The following ERBB2 variants were observed in gnomAD, a reference collection of about 807,000 sequenced individuals.
The protein encoded by ERBB2 is receptor tyrosine-protein kinase erbB-2.
Under a neutral mutation model 149.0 loss-of-function variants are expected in ERBB2, and 61 were observed. That is an observed-to-expected ratio of 0.41 (90% CI 0.33 to 0.51). The LOEUF is 0.51. Ranked by LOEUF, ERBB2 falls within the 20% of genes least tolerant of loss-of-function variation. The pLI is 0.25. For synonymous variants in ERBB2, 633 were observed against 678.8 expected (o/e 0.93, Z 1.05); for missense variants, 1,205 against 1,655.1 (o/e 0.73, Z 4.72).
rs764386534 is a variant in ERBB2, at chr17:39,727,581, G to A, written c.3412+34G>A. 6.3e-7 allele frequency: 1 copy of A among 1,583,002 alleles called. No individual in the cohort carries two copies. Among genetic ancestry groups the A allele is most frequent in the South Asian group, 1.2e-5 (1 of 85,892 alleles). ...TCCAGTCTAAGCAGAGAGACTGATGGGCAGGGGAGGTGGGACCTTCAGCCC... is the reference window on the plus strand; with the variant it reads ...TCCAGTCTAAGCAGAGAGACTGATGAGCAGGGGAGGTGGGACCTTCAGCCC... On this transcript the variant is annotated intron_variant, in intron 26 of 26. Coordinates refer to ENST00000269571, the MANE Select transcript of ERBB2 (RefSeq NM_004448.4). This position sits in a 1 kb window ranked among gnomAD's most constrained non-coding sequence, Gnocchi z 4.3.
rs1324377434 is a variant in ERBB2, at chr17:39,725,584, G to A, written c.2726-123G>A. ...ATTAGGGAAAGACCGGGTAGGGTCT[G>A]TCTCCTGGCATCACATCTCCCCCTG... On this transcript the variant is annotated intron_variant, in intron 22 of 26. Coordinates refer to ENST00000269571, the MANE Select transcript of ERBB2 (RefSeq NM_004448.4). This position sits in a 1 kb window ranked among gnomAD's most constrained non-coding sequence, Gnocchi z 4.6. 1 of 1,263,084 alleles carries A rather than the reference G, an allele frequency of 7.9e-7. No homozygotes were observed. The highest frequency in any genetic ancestry group is 2.3e-5 in the Admixed American group (1 of 43,996). 78.2% of individuals were successfully genotyped at this position (1,263,084 alleles called of 1,614,324 possible). A position where few individuals can be genotyped will look rare whatever the true frequency, so the allele number is the denominator to read the frequency against.
chr17:39,722,496 G>A (rs767826724), intron 16 of ERBB2, among the ~76,000 whole-genome samples: 5 of 152,046 alleles, frequency 3.3e-5, no homozygotes, highest in Non-Finnish European at 5.9e-5. Flanking sequence ...GCAAGGCCCT[G>A]TCTCAAAAAT....
At chr17:39,697,452 T>C (rs1249823511), upstream of ERBB2, among the ~76,000 whole-genome samples, 1 of 149,878 alleles carries the variant, frequency 6.7e-6, no homozygotes, top group Non-Finnish European at 1.5e-5. Context: ...GCTTCCCAGG[T>C]TCAAGCGATT....
intron 1 of ERBB2, among the ~76,000 whole-genome samples, chr17:39,700,935 G>T (rs9904609): frequency 1.0e-3 from 155 of 151,000 alleles, no homozygotes; most frequent in African/African-American, 3.5e-3. Flanking sequence ...TGGGGGCGGG[G>T]GAGACGTTTG....
In ERBB2 at chr17:39,700,124, A is replaced by C; in HGVS notation, c.-115A>C. 7.7e-7 allele frequency: 1 copy of C among 1,296,962 alleles called. No homozygotes were observed. The allele number at this position is 1,296,962 out of a possible 1,614,324, so 80.3% of individuals were successfully genotyped here. ...CCCGGGCAGCCGCGCGCCCCTTCCC[A>C]CGGGGCCCTTTACTGCGCCGCGCGC... is the stretch of plus-strand genomic sequence containing the variant. On this transcript the variant is annotated 5_prime_UTR_variant, in exon 1 of 27. Coordinates refer to ENST00000269571, the MANE Select transcript of ERBB2 (RefSeq NM_004448.4).
chr17:39,721,423 G>A (rs567823193), intron 16 of ERBB2, among the ~76,000 whole-genome samples: 15 of 152,138 alleles, frequency 9.9e-5, no homozygotes, highest in East Asian at 3.9e-4. Context: ...ACAGGCATGC[G>A]CTACCACGTC....
chr17:39,712,572 G>A (rs891613657), intron 9 of ERBB2, 124 bp downstream of exon 9: 2 of 1,176,844 alleles, frequency 1.7e-6, no homozygotes, highest in Non-Finnish European at 2.4e-6. Context: ...TGCAAAGAAA[G>A]CAGATGGGAG....
chr17:39,717,478 C>T lies in ERBB2; in HGVS notation c.1896C>T (p.His632=). The T allele has an allele frequency of 1.2e-6, 2 of 1,611,168 alleles. No individual in the cohort carries two copies. Among genetic ancestry groups the T allele is most frequent in the Non-Finnish European group, 1.7e-6 (2 of 1,178,330 alleles). The part of the protein sequence containing the change: ...ACQPCPINCT[H]SCVDLDDKGC... Reference sequence around the variant, plus strand: ...AGCCTTGCCCCATCAACTGCACCCACTCGTGAGTCCAACGGTCTTTTCTGC... The same window carrying T: ...AGCCTTGCCCCATCAACTGCACCCATTCGTGAGTCCAACGGTCTTTTCTGC... The change falls in exon 15 of 27, where the codon CAC becomes CAT. Residue 632 remains histidine, a splice_region_variant and synonymous_variant. Coordinates refer to ENST00000269571, the MANE Select transcript of ERBB2 (RefSeq NM_004448.4).
chr17:39,718,335 A>G (rs974687977), intron 15 of ERBB2, among the ~76,000 whole-genome samples: 1 of 152,172 alleles, frequency 6.6e-6, no homozygotes, highest in Non-Finnish European at 1.5e-5. Context: ...TACAAAGCCA[A>G]CGTGCCCTTT....
In ERBB2 at chr17:39,715,564, T is replaced by TGGGGAGGAGTCCC. The variant is rs1567905159; in HGVS notation, c.1313+29_1313+41dup. 1.9e-6 allele frequency: 3 copies of TGGGGAGGAGTCCC among 1,606,170 alleles called. No homozygotes were observed. The African/African-American group carries it at 4.0e-5, about 21-fold the overall frequency. On this transcript the variant is annotated intron_variant, in intron 11 of 26. Transcript: ENST00000269571. ...GAGCACTGAGAAAGAGGGGGCCTGA[T>TGGGGAGGAGTCCC]GGGGAGGAGTCCCAGGGAGGAGTCC...
intron 1 of ERBB2, 172 bp from the exon 2 acceptor site, chr17:39,706,818 G>A (rs1436845861): frequency 6.2e-6 from 3 of 484,264 alleles, no homozygotes; most frequent in African/African-American, 6.0e-5. Flanking sequence ...AAGCACGCAA[G>A]CTTTCTCCTG....
chr17:39,709,226 G>T (rs1283144065), intron 3 of ERBB2, 92 bp from the exon 4 acceptor site: 5 of 1,477,318 alleles, frequency 3.4e-6, no homozygotes, highest in African/African-American at 2.8e-5. Context: ...TGTTTAAAAG[G>T]CCTGCTCCTC....
chr17:39,691,944 T>C (rs868071226), upstream of ERBB2, among the ~76,000 whole-genome samples: 754 of 141,650 alleles, frequency 5.3e-3, 5 homozygotes, highest in African/African-American at 0.019. Flanking sequence ...CATATATATA[T>C]ATATATATAT....
Position 39,725,126 on chromosome 17 carries a change from C to A in ERBB2, c.2571C>A (p.Asn857Lys), listed in dbSNP as rs1443431488. The A allele has an allele frequency of 6.2e-7, 1 of 1,614,036 alleles. No homozygotes were observed. Among genetic ancestry groups the A allele is most frequent in the Non-Finnish European group, 8.5e-7 (1 of 1,180,042 alleles). ...AARNVLVKSP[N>K]HVKITDFGLA... ...GGAACGTGCTGGTCAAGAGTCCCAACCATGTCAAAATTACAGACTTCGGGC... is the reference window on the plus strand; with the variant it reads ...GGAACGTGCTGGTCAAGAGTCCCAAACATGTCAAAATTACAGACTTCGGGC... The change falls in exon 21 of 27, where the codon AAC (asparagine) becomes AAA (lysine). Residue 857 changes from asparagine to lysine, a missense_variant. Asn to Lys is a moderately conservative substitution (Grantham distance 94). Around this residue, in one of 6 missense-constraint regions of ERBB2, gnomAD observed 152 missense variants for 318.1 expected, o/e 0.48. Transcript: ENST00000269571. The surrounding 1 kb of genome is among the most constrained non-coding windows in gnomAD (Gnocchi z 4.6).
chr17:39,724,935 G>A (rs1419613626), intron 20 of ERBB2, 24 bp downstream of exon 20: 1 of 1,611,676 alleles, frequency 6.2e-7, no homozygotes, highest in Non-Finnish European at 8.5e-7. Context: ...CTCTTTGCAG[G>A]TCTCTCCGGA....
At position 39,700,284 on chromosome 17, in the gene ERBB2, T is replaced by G. The variant is rs1225599701; in HGVS notation, c.46T>G (p.Leu16Val). The G allele has an allele frequency of 7.0e-7, 1 of 1,431,266 alleles. No individual in the cohort carries two copies. The highest frequency in any genetic ancestry group is 1.4e-5 in the South Asian group (1 of 69,626). 88.7% of individuals were successfully genotyped at this position (1,431,266 alleles called of 1,614,324 possible). A position where few individuals can be genotyped will look rare whatever the true frequency, so the allele number is the denominator to read the frequency against. ...LCRWGLLLAL[L>V]PPGAASTQVC... is the part of the protein sequence containing the mutation. ...CCGCTGGGGGCTCCTCCTCGCCCTC[T>G]TGCCCCCCGGAGCCGCGAGCACCCA... The change falls in exon 1 of 27, where the codon TTG becomes GTG. Residue 16 changes from leucine (L) to valine (V), a missense_variant. Physicochemically the swap from Leu to Val is conservative, Grantham distance 32. Transcript: ENST00000269571.
rs779653888 is a variant in ERBB2 at position 39,725,777 on chromosome 17, T to C, written c.2796T>C (p.Pro932=). The change falls in exon 23 of 27, where the codon CCT becomes CCC. Residue 932 remains proline, a synonymous_variant. Transcript: ENST00000269571. The surrounding 1 kb of genome is among the most constrained non-coding windows in gnomAD (Gnocchi z 4.6). The stretch of plus-strand genomic sequence containing the variant: ...ATGGGATCCCAGCCCGGGAGATCCC[T>C]GACCTGCTGGAAAAGGGGGAGCGGC... The part of the protein sequence containing the change: ...PYDGIPAREI[P]DLLEKGERLP... 13 of 1,613,600 alleles carry C rather than the reference T, an allele frequency of 8.1e-6. 1 individual carries two copies. The Admixed American group carries it at 2.2e-4, about 27-fold the overall frequency.
chr17:39,708,635 C>T, intron 3 of ERBB2, 101 bp downstream of exon 3: 1 of 907,998 alleles, frequency 1.1e-6, no homozygotes, highest in African/African-American at 1.7e-5. Flanking sequence ...AATGGTGTCC[C>T]TTCTGGGCAG....
rs1181530841 is a variant in ERBB2, at chr17:39,727,200, CCT to C, written c.3160-92_3160-91del. On this transcript the variant is annotated intron_variant, in intron 25 of 26. Transcript: ENST00000269571. The surrounding 1 kb of genome is among the most constrained non-coding windows in gnomAD (Gnocchi z 4.3). ...TGACTGTGTCATACCCCAAAGGTGA[CCT>C]CTGTTTTTCTCCTGTGACCCTGTCA... is the stretch of plus-strand genomic sequence containing the variant. The C allele has an allele frequency of 1.1e-5, 16 of 1,468,804 alleles. No individual in the cohort carries two copies. The highest frequency in any genetic ancestry group is 2.8e-5 in the African/African-American group (2 of 70,342). 91.0% of individuals were successfully genotyped at this position (1,468,804 alleles called of 1,614,324 possible). A position where few individuals can be genotyped will look rare whatever the true frequency, so the allele number is the denominator to read the frequency against.
Sources: gnomAD v4.1 joint callset for allele counts (sites outside exome capture counted in the v4.1 genomes callset) on GRCh38, gnomAD v4.1.1 for gene constraint, gnomAD v4.1.1 regional missense constraint, Gnocchi (gnomAD v3.1) non-coding constraint, MANE v1.5 for transcripts, NCBI Gene and HGNC (gene_info 2026-07-23, HGNC 2026-07-21) for gene names.